The following RORA variants were observed in gnomAD, a reference collection of about 807,000 sequenced individuals.
RORA encodes nuclear receptor ROR-alpha.
RORA carries 7 observed loss-of-function variants against 69.5 expected under a neutral mutation model. The ratio of observed to expected loss-of-function variants is 0.10; its 90% CI spans 0.06 to 0.19. The LOEUF (loss-of-function observed/expected upper bound fraction) is 0.19, where lower values mean the gene tolerates loss of function less well. Among genes scored for constraint, RORA ranks in the 10% least tolerant of loss-of-function variants. RORA has a pLI of 1.00. For missense variants in RORA, 457 were observed against 663.0 expected, an observed-to-expected ratio of 0.69 and a Z score of 3.41; for synonymous variants, 261 against 240.8, an observed-to-expected ratio of 1.08 and a Z score of -0.78.
intron 1 of RORA, among the ~76,000 whole-genome samples, chr15:60,761,317 A>G (rs895916777): frequency 3.3e-5 from 5 of 152,164 alleles, no homozygotes; most frequent in Admixed American, 2.0e-4. Flanking sequence ...GGATTCGTAT[A>G]CAATAAAATA....
In RORA at chr15:60,851,706, A is replaced by ATGTG. The variant is rs140422098; in HGVS notation, c.167-173024_167-173021dup. Among the ~76,000 whole-genome samples the ATGTG allele has an allele frequency of 7.0e-3, 1,060 of 150,810 alleles. 15 individuals are homozygous for ATGTG. The highest frequency in any genetic ancestry group is 0.023 in the African/African-American group (941 of 41,026). On this transcript the variant is annotated intron_variant, in intron 1 of 10. Transcript: ENST00000335670. ...TGGCTTTGGTTTATGGCAATATTATATGTGTGTGTGTGTGTGTGAGAGAGA... is the reference window on the plus strand; with the variant it reads ...TGGCTTTGGTTTATGGCAATATTATATGTGTGTGTGTGTGTGTGTGTGAGAGAGA...
chr15:60,571,582 GC>G (rs2140454321), intron 2 of RORA, among the ~76,000 whole-genome samples: 1 of 152,252 alleles, frequency 6.6e-6, no homozygotes, highest in East Asian at 1.9e-4. Flanking sequence ...CTTAGATGAA[GC>G]ATGAACTATG....
chr15:60,931,682 T>G (rs1468591780), intron 1 of RORA, among the ~76,000 whole-genome samples: 1 of 152,194 alleles, frequency 6.6e-6, no homozygotes, highest in Non-Finnish European at 1.5e-5. Flanking sequence ...GGCCCCCTTA[T>G]AGGCCACCAG....
chr15:61,133,600 C>T (rs921023149), intron 1 of RORA, among the ~76,000 whole-genome samples: 1 of 152,088 alleles, frequency 6.6e-6, no homozygotes, highest in African/African-American at 2.4e-5. Context: ...GTCGGGATGG[C>T]CAAGGAGGGC....
chr15:60,983,321 T>G (rs1274125246), intron 1 of RORA, among the ~76,000 whole-genome samples: 4 of 152,210 alleles, frequency 2.6e-5, no homozygotes, highest in African/African-American at 9.7e-5. Context: ...GATGCTAGTA[T>G]AGCGTCACAT....
intron 1 of RORA, among the ~76,000 whole-genome samples, chr15:61,196,164 T>C (rs1180817113): frequency 1.3e-5 from 2 of 152,216 alleles, no homozygotes; most frequent in Non-Finnish European, 2.9e-5. Context: ...AGTTACGTAA[T>C]TTTGCCCCAT....
At chr15:60,838,261 GGT>G (rs111908497) in intron 1 of RORA, among the ~76,000 whole-genome samples, 3,675 of 152,202 alleles carry the variant, frequency 0.024, 154 homozygotes, top group African/African-American at 0.083. Context: ...CTAGAAAACA[GGT>G]GTAATTTGTT....
intron 1 of RORA, among the ~76,000 whole-genome samples, chr15:60,829,325 C>T (rs891770617): frequency 3.3e-5 from 5 of 152,314 alleles, no homozygotes; most frequent in East Asian, 1.9e-4. Context: ...CCGGGATGGA[C>T]GATTCCCTCC....
At chr15:60,967,850 G>T (rs1566928041) in intron 1 of RORA, among the ~76,000 whole-genome samples, 1 of 152,190 alleles carries the variant, frequency 6.6e-6, no homozygotes. Flanking sequence ...AAAGGCTTCA[G>T]TACTGGTTCC....
chr15:61,152,331 C>G (rs1244915470), intron 1 of RORA, among the ~76,000 whole-genome samples: 1 of 151,744 alleles, frequency 6.6e-6, no homozygotes. Context: ...CAAGCAGTCC[C>G]GAGGAATATG....
chr15:61,121,208 A>C (rs1389907567), intron 1 of RORA, among the ~76,000 whole-genome samples: 3 of 152,132 alleles, frequency 2.0e-5, no homozygotes, highest in African/African-American at 7.2e-5. Context: ...AGTTATAGCA[A>C]TACTATTTTA....
intron 1 of RORA, among the ~76,000 whole-genome samples, chr15:60,690,225 T>A (rs1334193092): frequency 1.3e-5 from 2 of 152,184 alleles, no homozygotes; most frequent in African/African-American, 4.8e-5. Context: ...CACATAGCCA[T>A]CCAGTTAGAG....
At chr15:60,993,242 CA>C (rs1894435233) in intron 1 of RORA, among the ~76,000 whole-genome samples, 1 of 152,196 alleles carries the variant, frequency 6.6e-6, no homozygotes, top group Non-Finnish European at 1.5e-5. Context: ...CTTCCTCAGG[CA>C]CTTCACATAT....
intron 2 of RORA, among the ~76,000 whole-genome samples, chr15:60,620,569 C>T (rs891582168): frequency 2.0e-5 from 3 of 152,188 alleles, no homozygotes; most frequent in Non-Finnish European, 4.4e-5. Context: ...AACTCAATTA[C>T]TGTCTGTTTT....
chr15:60,561,238 C>T (rs375308295), intron 2 of RORA, among the ~76,000 whole-genome samples: 6 of 151,536 alleles, frequency 4.0e-5, no homozygotes, highest in Admixed American at 3.3e-4. Context: ...CCCGCTACCA[C>T]GCCCGGCTAA....
chr15:61,095,734 G>A (rs540059946), intron 1 of RORA, among the ~76,000 whole-genome samples: 13 of 152,230 alleles, frequency 8.5e-5, no homozygotes, highest in Admixed American at 1.3e-4. Context: ...ATGCTTGTTC[G>A]AGGTGGAGTG....
chr15:61,213,013 T>C lies in RORA; in HGVS notation c.166+16040A>G, dbSNP rs2080007514. Among the ~76,000 whole-genome samples, 1 of 152,130 alleles carries C rather than the reference T, an allele frequency of 6.6e-6. No individual in the cohort carries two copies. Among genetic ancestry groups the C allele is most frequent in the Admixed American group, 6.5e-5 (1 of 15,278 alleles). ...TTCTTGCCTAATGCCACATGTAACA[T>C]ATTGTCACCTGCTCCCTGCTAGACC... is the stretch of plus-strand genomic sequence containing the variant. On this transcript the variant is annotated intron_variant, in intron 1 of 10. Coordinates refer to ENST00000335670, the MANE Select transcript of RORA (RefSeq NM_134261.3). The surrounding 1 kb of genome is among the most constrained non-coding windows in gnomAD (Gnocchi z 4.1).
intron 2 of RORA, among the ~76,000 whole-genome samples, chr15:60,539,508 C>T (rs1180064869): frequency 1.3e-5 from 2 of 152,200 alleles, no homozygotes; most frequent in Non-Finnish European, 2.9e-5. Context: ...CTCTAGAATT[C>T]TCCTATCACA....
rs1169118492 is a variant in RORA at position 60,495,615 on chromosome 15, C to T, written c.*1840G>A. The T allele has an allele frequency of 3.3e-5, 5 of 152,134 alleles. No homozygotes were observed. The East Asian group carries it at 5.8e-4, about 18-fold the overall frequency. 9.4% of individuals were successfully genotyped at this position (152,134 alleles called of 1,614,324 possible). ...ATTCCTGTAGAAGATTCCGCAGGGA[C>T]CCCAATGGCAGAGGAGACTATTTCT... On this transcript the variant is annotated 3_prime_UTR_variant, in exon 11 of 11. Coordinates refer to ENST00000335670, the MANE Select transcript of RORA (RefSeq NM_134261.3).
Sources: gnomAD v4.1 joint callset for allele counts (sites outside exome capture counted in the v4.1 genomes callset) on GRCh38, gnomAD v4.1.1 for gene constraint, Gnocchi (gnomAD v3.1) non-coding constraint, MANE v1.5 for transcripts, NCBI Gene and HGNC (gene_info 2026-07-23, HGNC 2026-07-21) for gene names.